Variants in RADX observed in about 807,000 individuals in gnomAD.
RADX encodes the protein RPA-related protein RADX.
RADX carries 36 observed loss-of-function variants against 61.6 expected under a neutral mutation model. The ratio of observed to expected loss-of-function variants is 0.58; its 90% CI spans 0.45 to 0.77. RADX has a LOEUF of 0.77. RADX is among the 30% of genes least tolerant of loss of function. RADX has a pLI of 0.00. For synonymous variants in RADX, 272 were observed against 237.9 expected (o/e 1.14, Z -1.32); for missense variants, 497 against 651.1 (o/e 0.76, Z 2.58).
intron 13 of RADX, among the ~76,000 whole-genome samples, chrX:106,676,310 C>G (rs1357400891): frequency 2.7e-5 from 3 of 112,172 alleles, no homozygotes; most frequent in African/African-American, 9.7e-5. Context: ...TACTGTGACG[C>G]TAATGTAGCC....
intron 13 of RADX, among the ~76,000 whole-genome samples, chrX:106,674,158 T>TTGTG (rs370950825): frequency 1.1e-3 from 118 of 109,234 alleles, no homozygotes; most frequent in African/African-American, 3.5e-3. Flanking sequence ...TGAAGGTGTT[T>TTGTG]TGTGTGTGTG....
At chrX:106,660,577 C>CAAAA (rs1928065126) in intron 11 of RADX, among the ~76,000 whole-genome samples, 3 of 112,022 alleles carry the variant, frequency 2.7e-5, no homozygotes. Context: ...AGGACATAGG[C>CAAAA]AAGAAAGAAA....
chrX:106,648,506 TAATA>T, intron 11 of RADX, 120 bp downstream of exon 11: 1 of 475,462 alleles, frequency 2.1e-6, no homozygotes, highest in South Asian at 4.2e-5. Flanking sequence ...TTGCATATAG[TAATA>T]TTAGCTTAGG....
intron 1 of RADX, among the ~76,000 whole-genome samples, chrX:106,622,033 C>T (rs1313967821): frequency 9.4e-6 from 1 of 105,907 alleles, no homozygotes; most frequent in African/African-American, 3.5e-5. Context: ...GCTGCCTGGG[C>T]TCAGGTGATC....
At chrX:106,638,076 T>C (rs747131326) in intron 8 of RADX, 152 bp downstream of exon 8, 4 of 451,488 alleles carry the variant, frequency 8.9e-6, no homozygotes, top group Non-Finnish European at 1.5e-5. Context: ...TTAATGCAGA[T>C]CTAAAAATAT....
At position 106,636,631 on chromosome X, in the gene RADX, T is replaced by C; in HGVS notation, c.1392T>C (p.Ser464=). The part of the protein sequence containing the change: ...KLLYLTTTNE[S]GVFITGHRGQ... ...TTTACCTCACCACTACAAATGAGAG[T>C]GGAGTGTTTATTACTGGTGAGTAAT... The change falls in exon 7 of 14, where the codon AGT becomes AGC. Residue 464 remains serine (S), a synonymous_variant. Transcript: ENST00000372548. The C allele has an allele frequency of 8.7e-7, 1 of 1,150,786 alleles. No homozygotes were observed. Among genetic ancestry groups the C allele is most frequent in the Non-Finnish European group, 1.2e-6 (1 of 844,916 alleles). 94.8% of individuals were successfully genotyped at this position (1,150,786 alleles called of 1,213,427 possible).
In RADX at chrX:106,625,343, A is replaced by G. The variant is rs1311966144; in HGVS notation, c.979+61A>G. 1.6e-5 allele frequency: 13 copies of G among 808,383 alleles called. No individual in the cohort carries two copies. The East Asian group carries it at 3.8e-4, about 24-fold the overall frequency. The allele number at this position is 808,383 out of a possible 1,213,427, so 66.6% of individuals were successfully genotyped here. A position where few individuals can be genotyped will look rare whatever the true frequency, so the allele number is the denominator to read the frequency against. On this transcript the variant is annotated intron_variant, in intron 3 of 13. Transcript: ENST00000372548. ...TTTTGTTTATATAAATTTGCAATGT[A>G]CCATATTAGGAAAAAAGACCACAAA...
intron 12 of RADX, 105 bp from the exon 13 acceptor site, chrX:106,669,058 A>T (rs1928300063): frequency 1.1e-5 from 7 of 614,385 alleles, no homozygotes; most frequent in Non-Finnish European, 1.9e-5. Flanking sequence ...GTTTTTTCAG[A>T]TCTAAAGCTA....
chrX:106,662,217 G>A lies in RADX; in HGVS notation c.2181G>A (p.Ala727=), dbSNP rs759079297. 2.0e-5 allele frequency: 24 copies of A among 1,208,597 alleles called. No homozygotes were observed. The highest frequency in any genetic ancestry group is 2.3e-4 in the Middle Eastern group (1 of 4,349). ...GTGACCAGTATAATTCTCAGCCTGC[G>A]AAATATGTACCACCAGAAGGAAGGC... ...FLSDQYNSQP[A]KYVPPEGRPP... is the part of the protein sequence containing the mutation. Residue 727 remains alanine, a synonymous_variant, in exon 12 of 14, where the codon GCG becomes GCA. Coordinates refer to ENST00000372548, the MANE Select transcript of RADX (RefSeq NM_018015.6).
chrX:106,613,221 C>A (rs1926723015), intron 1 of RADX, among the ~76,000 whole-genome samples: 1 of 112,100 alleles, frequency 8.9e-6, no homozygotes. Flanking sequence ...TAATACTTTA[C>A]ATTGATTGAA....
At chrX:106,634,529 C>T (rs139217375) in intron 6 of RADX, among the ~76,000 whole-genome samples, 304 of 111,145 alleles carry the variant, frequency 2.7e-3, no homozygotes, top group African/African-American at 9.5e-3. Context: ...TTCTGCTGCC[C>T]CTTTATTCTC....
At chrX:106,638,131 G>A in intron 8 of RADX, 1 of 339,355 alleles carries the variant, frequency 2.9e-6, no homozygotes, top group Non-Finnish European at 5.1e-6. Flanking sequence ...CTCGCATGGT[G>A]CTCTAAAGAT....
chrX:106,613,433 T>C (rs946332058), intron 1 of RADX, among the ~76,000 whole-genome samples: 3 of 111,981 alleles, frequency 2.7e-5, no homozygotes, highest in East Asian at 5.6e-4. Context: ...ACGTTTTTTT[T>C]CTCTAACAGA....
chrX:106,645,094 C>G (rs770438537), intron 10 of RADX, among the ~76,000 whole-genome samples: 35 of 111,082 alleles, frequency 3.2e-4, no homozygotes, highest in Non-Finnish European at 4.9e-4. Flanking sequence ...CTTTGAATTT[C>G]TGCAGTATCA....
At chrX:106,658,739 G>T (rs1928010148) in intron 11 of RADX, among the ~76,000 whole-genome samples, 1 of 111,468 alleles carries the variant, frequency 9.0e-6, no homozygotes, top group African/African-American at 3.3e-5. Flanking sequence ...AAATTCAAAA[G>T]TCATTCATTT....
At chrX:106,643,740 A>G (rs1324015176) in intron 10 of RADX, among the ~76,000 whole-genome samples, 1 of 111,713 alleles carries the variant, frequency 9.0e-6, no homozygotes, top group Non-Finnish European at 1.9e-5. Context: ...TATGTTGATT[A>G]GGATAGCTTT....
At chrX:106,673,842 G>T (rs1346638485) in intron 13 of RADX, among the ~76,000 whole-genome samples, 1 of 111,077 alleles carries the variant, frequency 9.0e-6, no homozygotes, top group Non-Finnish European at 1.9e-5. Flanking sequence ...GTGGACTGCT[G>T]GGATTAGTGA....
intron 3 of RADX, among the ~76,000 whole-genome samples, chrX:106,629,819 TA>T (rs995418505): frequency 5.6e-5 from 6 of 107,774 alleles, no homozygotes; most frequent in African/African-American, 6.7e-5. Context: ...GCATCATGTG[TA>T]AAAAAAAAAT....
At chrX:106,651,042 G>A (rs182620812) in intron 11 of RADX, among the ~76,000 whole-genome samples, 1 of 110,609 alleles carries the variant, frequency 9.0e-6, no homozygotes, top group Non-Finnish European at 1.9e-5. Context: ...TATTTGAAGA[G>A]GGTATTTTTT....
Sources: gnomAD v4.1 joint callset for allele counts (sites outside exome capture counted in the v4.1 genomes callset) on GRCh38, gnomAD v4.1.1 for gene constraint, MANE v1.5 for transcripts, NCBI Gene and HGNC (gene_info 2026-07-23, HGNC 2026-07-21) for gene names.